Variants in CPEB2 observed in about 807,000 individuals in gnomAD.
The protein encoded by CPEB2 is cytoplasmic polyadenylation element-binding protein 2.
In CPEB2, 56 loss-of-function variants were observed where a neutral mutation model predicts 93.6. The observed-to-expected ratio is 0.60, with a 90% CI of 0.48 to 0.75. The LOEUF (loss-of-function observed/expected upper bound fraction) is 0.75, where lower values mean the gene tolerates loss of function less well. Ranked by LOEUF, CPEB2 falls within the 30% of genes least tolerant of loss-of-function variation. The pLI is 0.00. For synonymous variants in CPEB2, 764 were observed against 586.3 expected (o/e 1.30, Z -4.38); for missense variants, 1,579 against 1,395.1 (o/e 1.13, Z -2.10).
chr4:15,025,959 A>G (rs1057152771), intron 4 of CPEB2, among the ~76,000 whole-genome samples: 2 of 152,074 alleles, frequency 1.3e-5, no homozygotes, highest in African/African-American at 2.4e-5. Flanking sequence ...CCTCTTTAAA[A>G]ATCTTTTTGT....
chr4:15,003,300 C>CCCGCCG lies in CPEB2; in HGVS notation c.636_641dup (p.Pro213_Pro214dup), dbSNP rs138365074. On this transcript the variant is annotated inframe_insertion, in exon 1 of 12. Transcript: ENST00000538197. The stretch of plus-strand genomic sequence containing the variant: ...CGCTCCACTGCCCCGGTCGGTTCAG[C>CCCGCCG]CCGCCGCCGCCGCCAGCCGGCCCGC... 31 of 1,438,172 alleles carry CCCGCCG rather than the reference C, an allele frequency of 2.2e-5. No individual in the cohort carries two copies. In the African/African-American group the frequency reaches 3.3e-4, roughly 16 times the overall value. The allele number at this position is 1,438,172 out of a possible 1,614,324, so 89.1% of individuals were successfully genotyped here. A position where few individuals can be genotyped will look rare whatever the true frequency, so the allele number is the denominator to read the frequency against.
intron 4 of CPEB2, among the ~76,000 whole-genome samples, chr4:15,021,659 TGTCA>T (rs1314001477): frequency 7.2e-5 from 11 of 152,290 alleles, no homozygotes; most frequent in Non-Finnish European, 1.5e-4. Flanking sequence ...GGAAGATCTG[TGTCA>T]GTAAGTCGTA....
intron 6 of CPEB2, among the ~76,000 whole-genome samples, chr4:15,047,440 A>G (rs1345320202): frequency 2.0e-5 from 3 of 151,810 alleles, no homozygotes; most frequent in Non-Finnish European, 4.4e-5. Flanking sequence ...TCCACAGCAA[A>G]TTTTTGTCAT....
chr4:15,038,585 C>CTTTTTTTTTTTTT (rs369548599), intron 5 of CPEB2, among the ~76,000 whole-genome samples: 1 of 137,232 alleles, frequency 7.3e-6, no homozygotes, highest in Admixed American at 7.3e-5. Context: ...GTAGTCTATT[C>CTTTTTTTTTTTTT]TTTTTTTTTT....
rs1337782637 is a variant in CPEB2, at chr4:15,007,433, G to A, written c.1791G>A (p.Met597Ile). Reference sequence around the variant, plus strand: ...GAAACATGGGAATCCCAGGAACTATGAATCAGATATCTCCATTGAAGAAAC... The same window carrying A: ...GAAACATGGGAATCCCAGGAACTATAAATCAGATATCTCCATTGAAGAAAC... ...RTGNMGIPGT[M>I]NQISPLKKPF... Residue 597 changes from methionine to isoleucine, a missense_variant, in exon 2 of 12, where the codon ATG becomes ATA. Transcript: ENST00000538197. 1 of 1,613,970 alleles carries A rather than the reference G, an allele frequency of 6.2e-7. No homozygotes were observed. Among genetic ancestry groups the A allele is most frequent in the Non-Finnish European group, 8.5e-7 (1 of 1,180,016 alleles).
rs1560202922 is a variant in CPEB2 at position 15,002,901 on chromosome 4, G to C, written c.228G>C (p.Pro76=). The change falls in exon 1 of 12, where the codon CCG becomes CCC. Residue 76 remains proline, a synonymous_variant. Coordinates refer to ENST00000538197, the MANE Select transcript of CPEB2 (RefSeq NM_001177382.2). ...CCCTCGGCGGCGGCGCGGGCAGCCC[G>C]GCCGCCGCCGCTTCCTCTTCCTCCC... ...SVPLGGGAGS[P]AAAASSSSPF... 4.0e-6 allele frequency: 6 copies of C among 1,507,406 alleles called. No individual in the cohort carries two copies. In the South Asian group the frequency reaches 5.0e-5, roughly 12 times the overall value. The allele number at this position is 1,507,406 out of a possible 1,614,324, so 93.4% of individuals were successfully genotyped here. A position where few individuals can be genotyped will look rare whatever the true frequency, so the allele number is the denominator to read the frequency against.
At chr4:15,066,109 T>C (rs2109119678) in intron 11 of CPEB2, 44 bp from the exon 12 acceptor site, 1 of 1,510,664 alleles carries the variant, frequency 6.6e-7, no homozygotes, top group Middle Eastern at 1.7e-4. Context: ...GAATTTGATT[T>C]CTGAAGCAGA....
At chr4:15,065,209 G>C (rs1317293787) in intron 11 of CPEB2, among the ~76,000 whole-genome samples, 1 of 151,986 alleles carries the variant, frequency 6.6e-6, no homozygotes, top group East Asian at 1.9e-4. Context: ...ACTCATGCAA[G>C]TATTTCAGTA....
At chr4:15,008,268 CT>C (rs939188707) in intron 2 of CPEB2, 69 bp from the exon 3 acceptor site, 6 of 1,047,994 alleles carry the variant, frequency 5.7e-6, no homozygotes, top group Non-Finnish European at 8.8e-6. Context: ...TGTTTTCTTT[CT>C]TTCTTTCGTT....
At chr4:15,042,473 A>G (rs1159905810) in intron 6 of CPEB2, among the ~76,000 whole-genome samples, 4 of 152,172 alleles carry the variant, frequency 2.6e-5, no homozygotes, top group Non-Finnish European at 5.9e-5. Context: ...AGACTCTCAC[A>G]TGGTTTTAAG....
intron 8 of CPEB2, among the ~76,000 whole-genome samples, chr4:15,054,737 A>T (rs1337122246): frequency 3.3e-5 from 5 of 152,198 alleles, no homozygotes; most frequent in African/African-American, 7.2e-5. Flanking sequence ...TAACCTTCAC[A>T]TGCAAGTCGC....
intron 1 of CPEB2, chr4:15,005,244 G>C (rs1296527439): frequency 6.6e-6 from 1 of 152,198 alleles, no homozygotes; most frequent in Non-Finnish European, 1.5e-5. Flanking sequence ...TCAATGTTGG[G>C]GTCATGTTTT....
intron 8 of CPEB2, among the ~76,000 whole-genome samples, chr4:15,056,129 CAAT>C (rs1469234924): frequency 6.6e-6 from 1 of 152,068 alleles, no homozygotes; most frequent in African/African-American, 2.4e-5. Context: ...TTCATATTCT[CAAT>C]AATTCACGGA....
chr4:15,048,938 C>A (rs1186121172), intron 6 of CPEB2, among the ~76,000 whole-genome samples: 1 of 151,978 alleles, frequency 6.6e-6, no homozygotes, highest in African/African-American at 2.4e-5. Context: ...GGTAAAAGGT[C>A]AGACTTTGTC....
rs1722192297 is a variant in CPEB2, at chr4:15,003,097, C to G, written c.424C>G (p.Pro142Ala). 6.5e-7 allele frequency: 1 copy of G among 1,533,858 alleles called. No homozygotes were observed. Among genetic ancestry groups the G allele is most frequent in the Non-Finnish European group, 8.7e-7 (1 of 1,146,186 alleles). The change falls in exon 1 of 12, where the codon CCG becomes GCG. Residue 142 changes from proline to alanine, a missense_variant. Physicochemically the swap from Pro to Ala is conservative, Grantham distance 27 (BLOSUM62 -1). Transcript: ENST00000538197. ...CCTCCTCCCCTCCCAGGACTTCAAA[C>G]CGAGTCTGCACCACCCCTCCTCCTC... Reference protein sequence around the residue: ...THLLPSQDFKPSLHHPSSSSA... With the variant: ...THLLPSQDFKASLHHPSSSSA...
chr4:15,003,287 C>G lies in CPEB2; in HGVS notation c.614C>G (p.Pro205Arg), dbSNP rs1173632897. The change falls in exon 1 of 12, where the codon CCC (proline) becomes CGC (arginine). Residue 205 changes from proline to arginine, a missense_variant. By Grantham distance (103) the Pro-to-Arg change is moderately radical. Around this residue, in one of 2 missense-constraint regions of CPEB2, gnomAD observed 1,411 missense variants for 1,056.0 expected, o/e 1.34. Transcript: ENST00000538197. ...CCGCCGCCTCCGCCGCTCCACTGCC[C>G]CGGTCGGTTCAGCCCGCCGCCGCCG... ...PPPPPPPLHCPGRFSPPPPPA... is the reference protein window; with the variant it reads ...PPPPPPPLHCRGRFSPPPPPA... 1 of 1,509,878 alleles carries G rather than the reference C, an allele frequency of 6.6e-7. No individual in the cohort carries two copies. 93.5% of individuals were successfully genotyped at this position (1,509,878 alleles called of 1,614,324 possible).
chr4:15,004,213 C>G lies in CPEB2; in HGVS notation c.1540C>G (p.Pro514Ala). 2.0e-6 allele frequency: 3 copies of G among 1,493,464 alleles called. No individual in the cohort carries two copies. The highest frequency in any genetic ancestry group is 2.7e-6 in the Non-Finnish European group (3 of 1,128,094). The allele number at this position is 1,493,464 out of a possible 1,614,324, so 92.5% of individuals were successfully genotyped here. A position where few individuals can be genotyped will look rare whatever the true frequency, so the allele number is the denominator to read the frequency against. Reference protein sequence around the residue: ...AMNIPQQQPPPPAAPQQPQSR... With the variant: ...AMNIPQQQPPAPAAPQQPQSR... ...GAATATACCTCAACAGCAGCCCCCG[C>G]CGCCCGCGGCGCCGCAGCAGCCGCA... The change falls in exon 1 of 12, where the codon CCG (proline) becomes GCG (alanine). Residue 514 changes from proline (P) to alanine (A), a missense_variant. Transcript: ENST00000538197.
At position 15,066,137 on chromosome 4, in the gene CPEB2, T is replaced by C; in HGVS notation, c.2878-16T>C. On this transcript the variant is annotated splice_polypyrimidine_tract_variant and intron_variant, in intron 11 of 11. Coordinates refer to ENST00000538197, the MANE Select transcript of CPEB2 (RefSeq NM_001177382.2). ...GAAGCAGACCCTAATGAGACTTAAC[T>C]TTCTTTTTTTTCAAGGTGGAGGTAA... 1 of 1,605,680 alleles carries C rather than the reference T, an allele frequency of 6.2e-7. No homozygotes were observed. Among genetic ancestry groups the C allele is most frequent in the Non-Finnish European group, 8.5e-7 (1 of 1,172,888 alleles).
intron 11 of CPEB2, among the ~76,000 whole-genome samples, chr4:15,064,323 A>G (rs1410772869): frequency 1.3e-5 from 2 of 152,120 alleles, no homozygotes; most frequent in Admixed American, 6.6e-5. Context: ...ATTATTAGAG[A>G]TTATTAATGA....
Sources: allele counts gnomAD v4.1 joint callset (sites outside exome capture counted in the v4.1 genomes callset), GRCh38; gene constraint gnomAD v4.1.1; regional missense constraint gnomAD v4.1.1; transcripts MANE v1.5; gene names NCBI Gene and HGNC (gene_info 2026-07-23, HGNC 2026-07-21).